TTLL5: variants seen among roughly 807,000 people sequenced by gnomAD.
The protein encoded by TTLL5 is tubulin polyglutamylase TTLL5.
In TTLL5, 132 loss-of-function variants were observed where a neutral mutation model predicts 168.4. The observed-to-expected ratio is 0.78, with a 90% CI of 0.68 to 0.91. The LOEUF is 0.91. Ranked by LOEUF, TTLL5 falls within the 40% of genes least tolerant of loss-of-function variation. The pLI, the probability that TTLL5 is intolerant of heterozygous loss-of-function variation, is 0.00. For missense variants in TTLL5, 1,545 were observed against 1,581.5 expected (o/e 0.98, Z 0.39); for synonymous variants, 546 against 558.6 (o/e 0.98, Z 0.32).
chr14:75,839,237 T>G (rs968655408), intron 28 of TTLL5: 1 of 152,250 alleles, frequency 6.6e-6, no homozygotes, highest in Non-Finnish European at 1.5e-5. Flanking sequence ...CATTTGAGAT[T>G]TTGTCTTGGA....
At chr14:75,892,623 C>G (rs2032457571) in intron 30 of TTLL5, among the ~76,000 whole-genome samples, 1 of 152,132 alleles carries the variant, frequency 6.6e-6, no homozygotes, top group Non-Finnish European at 1.5e-5. Flanking sequence ...AGAACAGTCC[C>G]TCACTACAAA....
At chr14:75,875,760 C>T (rs985448774) in intron 29 of TTLL5, among the ~76,000 whole-genome samples, 3 of 152,008 alleles carry the variant, frequency 2.0e-5, no homozygotes, top group African/African-American at 7.3e-5. Flanking sequence ...AAACAGGCTC[C>T]AAAACATCAG....
chr14:75,924,561 G>A (rs965524077), intron 31 of TTLL5, among the ~76,000 whole-genome samples: 66 of 152,054 alleles, frequency 4.3e-4, no homozygotes, highest in African/African-American at 1.5e-3. Flanking sequence ...TTAACCCTGA[G>A]TGGACACAGC....
intron 28 of TTLL5, among the ~76,000 whole-genome samples, chr14:75,836,894 C>G (rs1895898971): frequency 6.6e-6 from 1 of 152,056 alleles, no homozygotes; most frequent in East Asian, 1.9e-4. Flanking sequence ...GGAGAGCAGG[C>G]CACTATGACA....
intron 27 of TTLL5, among the ~76,000 whole-genome samples, chr14:75,801,790 A>T (rs947049294): frequency 2.6e-5 from 4 of 152,340 alleles, no homozygotes; most frequent in African/African-American, 9.6e-5. Context: ...GTTTACTAAC[A>T]GTTTCCCTTT....
At chr14:75,889,011 TAAC>T (rs2032260786) in intron 30 of TTLL5, among the ~76,000 whole-genome samples, 1 of 151,452 alleles carries the variant, frequency 6.6e-6, no homozygotes, top group South Asian at 2.1e-4. Flanking sequence ...CAAGAAATAA[TAAC>T]ATTTTAGAAA....
At chr14:75,709,345 C>T in intron 9 of TTLL5, 1 of 623,842 alleles carries the variant, frequency 1.6e-6, no homozygotes, top group Non-Finnish European at 2.9e-6. Flanking sequence ...GACTTGAAAT[C>T]AGTGAGAGCA....
At chr14:75,888,620 T>C (rs2032234842) in intron 30 of TTLL5, among the ~76,000 whole-genome samples, 1 of 152,100 alleles carries the variant, frequency 6.6e-6, no homozygotes. Flanking sequence ...GTGGTATAGC[T>C]TAAAAGAAGG....
intron 28 of TTLL5, among the ~76,000 whole-genome samples, chr14:75,834,056 A>G (rs1306707284): frequency 1.3e-5 from 2 of 152,214 alleles, no homozygotes; most frequent in East Asian, 1.9e-4. Flanking sequence ...CACTGTCTCA[A>G]TGGTTAGTCC....
chr14:75,796,866 T>C (rs1893023748), intron 27 of TTLL5, among the ~76,000 whole-genome samples: 1 of 152,218 alleles, frequency 6.6e-6, no homozygotes, highest in African/African-American at 2.4e-5. Flanking sequence ...ATGTGATGCC[T>C]CTAGATTTGT....
At chr14:75,781,957 CAAAAAA>C (rs11350842) in intron 24 of TTLL5, among the ~76,000 whole-genome samples, 15 of 69,472 alleles carry the variant, frequency 2.2e-4, no homozygotes, top group Middle Eastern at 6.9e-3. Flanking sequence ...AAACTTTGTT[CAAAAAA>C]AAAAAAAAAA....
intron 28 of TTLL5, among the ~76,000 whole-genome samples, chr14:75,854,505 A>C (rs1328311672): frequency 6.6e-6 from 1 of 152,094 alleles, no homozygotes; most frequent in African/African-American, 2.4e-5. Context: ...TTTTAGCCAC[A>C]TTTTTATTTC....
At chr14:75,954,070 A>T (rs2035038338) in intron 31 of TTLL5, among the ~76,000 whole-genome samples, 1 of 151,990 alleles carries the variant, frequency 6.6e-6, no homozygotes, top group African/African-American at 2.4e-5. Flanking sequence ...AACACGGTGA[A>T]ACCCCATCTC....
intron 29 of TTLL5, among the ~76,000 whole-genome samples, chr14:75,871,816 A>G (rs2031058818): frequency 6.6e-6 from 1 of 152,250 alleles, no homozygotes; most frequent in Admixed American, 6.5e-5. Flanking sequence ...TAAGGTCTGT[A>G]TAAGATATGC....
chr14:75,790,199 T>C (rs976677917), intron 26 of TTLL5, among the ~76,000 whole-genome samples: 4 of 152,034 alleles, frequency 2.6e-5, no homozygotes, highest in Non-Finnish European at 5.9e-5. Flanking sequence ...TCAATTTCAG[T>C]TGTAAAACTT....
chr14:75,667,457 A>G (rs1270638537), intron 2 of TTLL5, among the ~76,000 whole-genome samples: 1 of 152,244 alleles, frequency 6.6e-6, no homozygotes, highest in Non-Finnish European at 1.5e-5. Context: ...CTTCATGCCC[A>G]CATTTTACAG....
intron 31 of TTLL5, among the ~76,000 whole-genome samples, chr14:75,925,536 G>A (rs541738020): frequency 1.3e-4 from 19 of 150,622 alleles, no homozygotes; most frequent in African/African-American, 4.2e-4. Context: ...ATGGGATGGC[G>A]GCTGGGCAGA....
intron 17 of TTLL5, among the ~76,000 whole-genome samples, chr14:75,747,106 GTTTTTTCAGACTT>G (rs1889663526): frequency 6.6e-6 from 1 of 151,708 alleles, no homozygotes; most frequent in Non-Finnish European, 1.5e-5. Flanking sequence ...CTGTGCTCAT[GTTTTTTCAGACTT>G]TTTTTTTCTT....
chr14:75,787,322 G>A (rs1419796628), intron 26 of TTLL5, among the ~76,000 whole-genome samples: 1 of 152,012 alleles, frequency 6.6e-6, no homozygotes, highest in East Asian at 1.9e-4. Context: ...AAAGAAATAC[G>A]AGATGAGTAC....
Sources: gnomAD v4.1 joint callset for allele counts (sites outside exome capture counted in the v4.1 genomes callset) on GRCh38, gnomAD v4.1.1 for gene constraint, MANE v1.5 for transcripts, NCBI Gene and HGNC (gene_info 2026-07-23, HGNC 2026-07-21) for gene names.